The following SNX10 variants were observed in gnomAD, a reference collection of about 807,000 sequenced individuals.
The protein encoded by SNX10 is sorting nexin 10.
A neutral mutation model predicts 28.5 loss-of-function variants in SNX10; 25 were observed. That is an observed-to-expected ratio of 0.88 (90% CI 0.64 to 1.22). The LOEUF is 1.22. Ranked by LOEUF, SNX10 falls within the 50% of genes most tolerant of loss-of-function variation. The pLI, the probability that SNX10 is intolerant of heterozygous loss-of-function variation, is 0.00. For synonymous variants in SNX10, 62 were observed against 81.4 expected (o/e 0.76, Z 1.28); for missense variants, 223 against 242.6 (o/e 0.92, Z 0.54).
In SNX10 at chr7:26,364,470, T is replaced by C; in HGVS notation, c.112-65T>C. The C allele has an allele frequency of 6.5e-7, 1 of 1,528,242 alleles. No individual in the cohort carries two copies. The highest frequency in any genetic ancestry group is 1.3e-5 in the South Asian group (1 of 77,354). 94.7% of individuals were successfully genotyped at this position (1,528,242 alleles called of 1,614,324 possible). A position where few individuals can be genotyped will look rare whatever the true frequency, so the allele number is the denominator to read the frequency against. ...GTGAATGTTGAGATCATATTGTGAATTATAGATACAAGAAATGCATTTTTT... is the reference window on the plus strand; with the variant it reads ...GTGAATGTTGAGATCATATTGTGAACTATAGATACAAGAAATGCATTTTTT... On this transcript the variant is annotated intron_variant, in intron 3 of 6. Transcript: ENST00000338523. This position sits in a 1 kb window ranked among gnomAD's most constrained non-coding sequence, Gnocchi z 4.9.
At chr7:26,348,322 G>A (rs1788468606) in intron 2 of SNX10, among the ~76,000 whole-genome samples, 2 of 152,196 alleles carry the variant, frequency 1.3e-5, no homozygotes. Flanking sequence ...GCAAGGTTAA[G>A]GGCATAGTTC....
Position 26,361,038 on chromosome 7 carries a change from A to G in SNX10, c.88A>G (p.Ile30Val), listed in dbSNP as rs979553899. ...GAAGGAGGACTTCTGGCATTCTTAC[A>G]TTGACTATGAGATATGTATTCATGT... ...IQKEDFWHSY[I>V]DYEICIHTNS... The change falls in exon 3 of 7, where the codon ATT (isoleucine) becomes GTT (valine). Residue 30 changes from isoleucine (I) to valine (V), a missense_variant. Coordinates refer to ENST00000338523, the MANE Select transcript of SNX10 (RefSeq NM_013322.3). The G allele has an allele frequency of 6.2e-7, 1 of 1,607,992 alleles. No homozygotes were observed. The highest frequency in any genetic ancestry group is 8.5e-7 in the Non-Finnish European group (1 of 1,175,064).
chr7:26,332,481 A>G (rs932574604), intron 1 of SNX10, among the ~76,000 whole-genome samples: 2 of 152,224 alleles, frequency 1.3e-5, no homozygotes, highest in East Asian at 3.8e-4. Context: ...GTTTAGACAC[A>G]GTCCCTTAGA....
intron 2 of SNX10, among the ~76,000 whole-genome samples, chr7:26,349,198 A>C (rs1283552619): frequency 6.6e-6 from 1 of 152,226 alleles, no homozygotes; most frequent in African/African-American, 2.4e-5. Flanking sequence ...CTTTTCTCTC[A>C]GTACCCACAG....
chr7:26,323,927 G>A (rs915949258), intron 1 of SNX10, among the ~76,000 whole-genome samples: 15 of 152,288 alleles, frequency 9.8e-5, no homozygotes, highest in African/African-American at 3.1e-4. Context: ...CTGAATGAGG[G>A]AATCCAGTTG....
At chr7:26,335,735 C>CTTTTTTTTTTTTTTTTTTTTTT (rs57340085) in intron 1 of SNX10, among the ~76,000 whole-genome samples, 1 of 84,274 alleles carries the variant, frequency 1.2e-5, no homozygotes, top group Non-Finnish European at 2.3e-5. Flanking sequence ...ATGGAATATT[C>CTTTTTTTTTTTTTTTTTTTTTT]TTTTTTTTTT....
At chr7:26,297,831 G>C (rs1000235413) in intron 1 of SNX10, among the ~76,000 whole-genome samples, 1 of 152,002 alleles carries the variant, frequency 6.6e-6, no homozygotes, top group Admixed American at 6.6e-5. Context: ...GTTGCTTTAT[G>C]TGCCTTAGTA....
intron 1 of SNX10, among the ~76,000 whole-genome samples, chr7:26,324,996 C>T (rs1316702639): frequency 6.6e-6 from 1 of 151,848 alleles, no homozygotes; most frequent in Non-Finnish European, 1.5e-5. Context: ...ACCGTGGAGA[C>T]ATTGGTCTCA....
At chr7:26,347,031 C>T (rs1186701013) in intron 2 of SNX10, among the ~76,000 whole-genome samples, 1 of 152,202 alleles carries the variant, frequency 6.6e-6, no homozygotes, top group Admixed American at 6.5e-5. Flanking sequence ...ACGCATTGCC[C>T]TGCCTGCTGT....
Position 26,350,297 on chromosome 7 carries a change from C to T in SNX10, c.24+3831C>T, listed in dbSNP as rs190583602. On this transcript the variant is annotated intron_variant, in intron 2 of 6. Coordinates refer to ENST00000338523, the MANE Select transcript of SNX10 (RefSeq NM_013322.3). ...CTGAGTAGGACAGGCCGAAGTGGGC[C>T]CCAGAGAGTTGCACAAACCATGAGG... 2.0e-3 allele frequency among the ~76,000 whole-genome samples: 308 copies of T among 152,172 alleles called. 2 individuals carry two copies. The highest frequency in any genetic ancestry group is 7.2e-3 in the African/African-American group (299 of 41,520).
At chr7:26,343,679 C>T (rs956880137) in intron 1 of SNX10, among the ~76,000 whole-genome samples, 5 of 152,064 alleles carry the variant, frequency 3.3e-5, no homozygotes, top group Non-Finnish European at 7.4e-5. Context: ...GAGGTTCAGC[C>T]GTGTGGAGCA....
Position 26,342,962 on chromosome 7 carries a change from A to G in SNX10, c.-23-3458A>G, listed in dbSNP as rs190079297. The stretch of plus-strand genomic sequence containing the variant: ...GTAGCTGGGACCACAGGCGCATGCT[A>G]TCATGCCCAGCTAATTTTTGTATTT... On this transcript the variant is annotated intron_variant, in intron 1 of 6. Transcript: ENST00000338523. Among the ~76,000 whole-genome samples, 16 of 152,162 alleles carry G rather than the reference A, an allele frequency of 1.1e-4. No homozygotes were observed. In the East Asian group the frequency reaches 2.9e-3, roughly 27 times the overall value.
At chr7:26,307,948 A>G (rs1426540253) in intron 1 of SNX10, among the ~76,000 whole-genome samples, 2 of 152,166 alleles carry the variant, frequency 1.3e-5, no homozygotes, top group Non-Finnish European at 2.9e-5. Flanking sequence ...CACCCATCCC[A>G]GATGAATCAC....
chr7:26,320,621 C>T (rs530552526), intron 1 of SNX10, among the ~76,000 whole-genome samples: 9 of 151,586 alleles, frequency 5.9e-5, no homozygotes, highest in Non-Finnish European at 8.8e-5. Flanking sequence ...TTACTAGAGA[C>T]GGGGGTTTCA....
chr7:26,292,780 G>T (rs1448431696), intron 1 of SNX10, among the ~76,000 whole-genome samples: 3 of 152,208 alleles, frequency 2.0e-5, no homozygotes, highest in African/African-American at 7.2e-5. Context: ...TTAGAACGGG[G>T]AGGAGGCTTG....
chr7:26,361,522 A>G (rs1789068507), intron 3 of SNX10, among the ~76,000 whole-genome samples: 1 of 152,244 alleles, frequency 6.6e-6, no homozygotes, highest in Admixed American at 6.5e-5. Context: ...TGATTAATTT[A>G]TCTAGAATCT....
chr7:26,354,961 T>C (rs988110362), intron 2 of SNX10, among the ~76,000 whole-genome samples: 1 of 152,150 alleles, frequency 6.6e-6, no homozygotes, highest in Admixed American at 6.5e-5. Flanking sequence ...TTTTCTCTGA[T>C]GTTTTGTGTT....
chr7:26,348,559 A>G (rs1216762163), intron 2 of SNX10, among the ~76,000 whole-genome samples: 1 of 152,162 alleles, frequency 6.6e-6, no homozygotes, highest in Non-Finnish European at 1.5e-5. Context: ...CGTCCTCCCA[A>G]AGGAGCCATG....
intron 1 of SNX10, among the ~76,000 whole-genome samples, chr7:26,303,229 G>C (rs913613010): frequency 6.6e-6 from 1 of 152,226 alleles, no homozygotes; most frequent in Non-Finnish European, 1.5e-5. Flanking sequence ...TTAAAGAAGA[G>C]AAACTTTCCT....
Sources: gnomAD v4.1 joint callset for allele counts (sites outside exome capture counted in the v4.1 genomes callset) on GRCh38, gnomAD v4.1.1 for gene constraint, Gnocchi (gnomAD v3.1) non-coding constraint, MANE v1.5 for transcripts, NCBI Gene and HGNC (gene_info 2026-07-23, HGNC 2026-07-21) for gene names.